Variants in RAD54L2 observed in about 807,000 individuals in gnomAD.
RAD54L2 encodes RAD54 like 2, also known as helicase ARIP4.
Under a neutral mutation model 138.4 loss-of-function variants are expected in RAD54L2, and 27 were observed. The ratio of observed to expected loss-of-function variants is 0.20; its 90% CI spans 0.14 to 0.27. The LOEUF (loss-of-function observed/expected upper bound fraction) is 0.27, where lower values mean the gene tolerates loss of function less well. RAD54L2 is among the 10% of genes least tolerant of loss of function. RAD54L2 has a pLI of 1.00. For missense variants in RAD54L2, 1,396 were observed against 1,890.2 expected, an observed-to-expected ratio of 0.74 and a Z score of 4.85; for synonymous variants, 644 against 723.2, an observed-to-expected ratio of 0.89 and a Z score of 1.76.
At chr3:51,631,980 C>G (rs951705494) in intron 7 of RAD54L2, among the ~76,000 whole-genome samples, 1 of 152,018 alleles carries the variant, frequency 6.6e-6, no homozygotes, top group African/African-American at 2.4e-5. Context: ...TCTTCCTCCC[C>G]CTCCTCTCCC....
chr3:51,570,990 T>G lies in RAD54L2; in HGVS notation c.-54-19377T>G, dbSNP rs1699326575. Among the ~76,000 whole-genome samples, 3 of 152,024 alleles carry G rather than the reference T, an allele frequency of 2.0e-5. No homozygotes were observed. The South Asian group carries it at 6.2e-4, about 32-fold the overall frequency. On this transcript the variant is annotated intron_variant, in intron 2 of 22. Transcript: ENST00000684192. Reference sequence around the variant, plus strand: ...GTGCCTGCCACCGTGCCTGGCTAATTTTTGTATTTTAGTAAAGACGGGGTT... The same window carrying G: ...GTGCCTGCCACCGTGCCTGGCTAATGTTTGTATTTTAGTAAAGACGGGGTT...
At chr3:51,592,329 C>T (rs1438137284) in intron 3 of RAD54L2, among the ~76,000 whole-genome samples, 1 of 151,950 alleles carries the variant, frequency 6.6e-6, no homozygotes, top group Admixed American at 6.6e-5. Context: ...TCCCAAAGTG[C>T]TGGGGATTAC....
intron 2 of RAD54L2, among the ~76,000 whole-genome samples, chr3:51,558,459 T>TTCTCTCTCTC (rs71633077): frequency 1.3e-4 from 20 of 149,890 alleles, no homozygotes; most frequent in East Asian, 1.2e-3. Flanking sequence ...GAAGGTCCAC[T>TTCTCTCTCTC]TCTCTCTCTC....
chr3:51,658,672 A>G (rs1050283997), intron 21 of RAD54L2, among the ~76,000 whole-genome samples: 15 of 152,116 alleles, frequency 9.9e-5, no homozygotes, highest in Non-Finnish European at 1.8e-4. Flanking sequence ...CCTAGCTTCT[A>G]TTGGGTTAGA....
chr3:51,663,317 C>T lies in RAD54L2; in HGVS notation c.4301C>T (p.Ser1434Phe). ...AGYPAGGLLR[S>F]QVPPFDSHEV... is the part of the protein sequence containing the mutation. ...TACCCAGCTGGTGGCCTCCTACGGT[C>T]CCAGGTGCCTCCATTTGACTCTCAT... Residue 1434 changes from serine to phenylalanine, a missense_variant, in exon 23 of 23, where the codon TCC (serine) becomes TTC (phenylalanine). Transcript: ENST00000684192. 1 of 1,613,924 alleles carries T rather than the reference C, an allele frequency of 6.2e-7. No individual in the cohort carries two copies. Among genetic ancestry groups the T allele is most frequent in the Non-Finnish European group, 8.5e-7 (1 of 1,179,872 alleles).
rs542728568 is a variant in RAD54L2, at chr3:51,660,030, G to T, written c.3321G>T (p.Thr1107=). The T allele has an allele frequency of 1.3e-5, 20 of 1,574,332 alleles. No individual in the cohort carries two copies. The Admixed American group carries it at 3.2e-4, about 25-fold the overall frequency. ...SIHIIRGTKG[T]YIRTSDGRIF... The stretch of plus-strand genomic sequence containing the variant: ...CTTCTTCGTGTCTATTCTTAGGGAC[G>T]TACATCCGTACCAGTGATGGACGGA... The change falls in exon 22 of 23, where the codon ACG becomes ACT. Residue 1107 remains threonine (T), a synonymous_variant. Transcript: ENST00000684192.
chr3:51,657,976 G>A lies in RAD54L2; in HGVS notation c.3316+307G>A, dbSNP rs1279085467. Among the ~76,000 whole-genome samples the A allele has an allele frequency of 1.1e-4, 16 of 140,502 alleles. No individual in the cohort carries two copies. In the Admixed American group the frequency reaches 1.2e-3, roughly 11 times the overall value. The allele number at this position is 140,502 out of a possible 152,430, so 92.2% of individuals were successfully genotyped here. ...AGTCTTGCTCTGTCGCCAGGCTGGA[G>A]TGCAGTTGCGTGATCTCGGCTCACT... On this transcript the variant is annotated intron_variant, in intron 21 of 22. Coordinates refer to ENST00000684192, the MANE Select transcript of RAD54L2 (RefSeq NM_015106.4).
intron 2 of RAD54L2, among the ~76,000 whole-genome samples, chr3:51,581,240 G>A (rs1407274915): frequency 6.6e-6 from 1 of 152,108 alleles, no homozygotes; most frequent in African/African-American, 2.4e-5. Flanking sequence ...TGGGACTACA[G>A]GCACGCACCA....
At chr3:51,643,059 G>A (rs571569982) in intron 15 of RAD54L2, among the ~76,000 whole-genome samples, 3 of 120,960 alleles carry the variant, frequency 2.5e-5, no homozygotes, top group Admixed American at 1.0e-4. Flanking sequence ...TTTTTGAGAC[G>A]AAGTCTTACT....
At position 51,638,140 on chromosome 3, in the gene RAD54L2, A is replaced by G. The variant is rs764309110; in HGVS notation, c.1683-4A>G. ...TGCCGTTTCTGTTCTGTTTGCCTCC[A>G]TAGGAGAGGCCACACTGTGCTGAAG... On this transcript the variant is annotated splice_polypyrimidine_tract_variant and splice_region_variant and intron_variant, in intron 11 of 22. Transcript: ENST00000684192. This position sits in a 1 kb window ranked among gnomAD's most constrained non-coding sequence, Gnocchi z 4.3. The G allele has an allele frequency of 2.5e-6, 4 of 1,613,554 alleles. No individual in the cohort carries two copies. The highest frequency in any genetic ancestry group is 3.4e-6 in the Non-Finnish European group (4 of 1,179,696).
chr3:51,647,041 T>C (rs1225323349), intron 19 of RAD54L2, among the ~76,000 whole-genome samples: 2 of 152,152 alleles, frequency 1.3e-5, no homozygotes, highest in Non-Finnish European at 2.9e-5. Context: ...AGAACAGTTA[T>C]CTAGGTTTAA....
intron 2 of RAD54L2, among the ~76,000 whole-genome samples, chr3:51,565,415 A>G (rs531541661): frequency 1.3e-5 from 2 of 152,256 alleles, no homozygotes; most frequent in Admixed American, 6.5e-5. Flanking sequence ...TAAAAAATAT[A>G]TATGTGTGTG....
intron 2 of RAD54L2, among the ~76,000 whole-genome samples, chr3:51,580,150 AC>A (rs1156335618): frequency 6.6e-6 from 1 of 152,202 alleles, no homozygotes; most frequent in African/African-American, 2.4e-5. Flanking sequence ...CTTCTGACTG[AC>A]CAGCTATGAA....
At chr3:51,635,471 G>A (rs1348429863) in intron 9 of RAD54L2, 122 bp from the exon 10 acceptor site, 1 of 1,089,252 alleles carries the variant, frequency 9.2e-7, no homozygotes, top group East Asian at 2.8e-5. Context: ...TTGGTAATAA[G>A]AAGTTCTGAA....
rs1701884481 is a variant in RAD54L2 at position 51,665,017 on chromosome 3, GC to G, written c.*1600del. ...TCCATCTTTGAAGGAACATGGAGGA[GC>G]CCTTTCTCTGTAGGAGCCCTAAGTC... On this transcript the variant is annotated 3_prime_UTR_variant, in exon 23 of 23. Coordinates refer to ENST00000684192, the MANE Select transcript of RAD54L2 (RefSeq NM_015106.4). 6.6e-6 allele frequency: 1 copy of G among 152,066 alleles called. No individual in the cohort carries two copies. Among genetic ancestry groups the G allele is most frequent in the African/African-American group, 2.4e-5 (1 of 41,408 alleles). The allele number at this position is 152,066 out of a possible 1,614,324, so 9.4% of individuals were successfully genotyped here. A position where few individuals can be genotyped will look rare whatever the true frequency, so the allele number is the denominator to read the frequency against.
rs190387139 is a variant in RAD54L2 at position 51,575,087 on chromosome 3, C to G, written c.-54-15280C>G. Among the ~76,000 whole-genome samples the G allele has an allele frequency of 6.6e-5, 10 of 152,240 alleles. No homozygotes were observed. The East Asian group carries it at 1.7e-3, about 26-fold the overall frequency. On this transcript the variant is annotated intron_variant, in intron 2 of 22. Transcript: ENST00000684192. ...TATGGCTAGCCAGTTTTCCCAGCAC[C>G]ATTTATTAAATAGGGAATCCTTTGC...
chr3:51,622,180 A>G lies in RAD54L2; in HGVS notation c.140-5373A>G, dbSNP rs533106950. 2.0e-5 allele frequency among the ~76,000 whole-genome samples: 3 copies of G among 152,322 alleles called. No individual in the cohort carries two copies. The South Asian group carries it at 6.2e-4, about 32-fold the overall frequency. ...AAGAGGTTAGTGAATTTGAGAGGGT[A>G]GCTAGTCACACTTGGAGCTCTACTT... On this transcript the variant is annotated intron_variant, in intron 3 of 22. Transcript: ENST00000684192.
chr3:51,636,955 A>G, intron 10 of RAD54L2: 4 of 586,664 alleles, frequency 6.8e-6, no homozygotes, highest in South Asian at 2.1e-5. Context: ...AAAAGAGTCA[A>G]CTGCCAGATT....
chr3:51,549,166 G>A (rs980398681), intron 2 of RAD54L2, among the ~76,000 whole-genome samples: 2 of 151,962 alleles, frequency 1.3e-5, no homozygotes, highest in East Asian at 1.9e-4. Flanking sequence ...GCAAATTTTT[G>A]TATTTGTAGT....
Sources: gnomAD v4.1 joint callset for allele counts (sites outside exome capture counted in the v4.1 genomes callset) on GRCh38, gnomAD v4.1.1 for gene constraint, Gnocchi (gnomAD v3.1) non-coding constraint, MANE v1.5 for transcripts, NCBI Gene and HGNC (gene_info 2026-07-23, HGNC 2026-07-21) for gene names.